Variants in TTC28 observed in about 807,000 individuals in gnomAD.
TTC28 encodes the protein tetratricopeptide repeat protein 28.
In TTC28, 61 loss-of-function variants were observed where a neutral mutation model predicts 198.0. The ratio of observed to expected loss-of-function variants is 0.31; its 90% CI spans 0.25 to 0.38. The LOEUF is 0.38. TTC28 is among the 10% of genes least tolerant of loss of function. The probability of loss-of-function intolerance (pLI) is 1.00; values close to 1 mark genes in which losing one functional copy is unlikely to be tolerated. For missense variants in TTC28, 2,678 were observed against 3,164.0 expected, an observed-to-expected ratio of 0.85 and a Z score of 3.69; for synonymous variants, 1,171 against 1,297.8, an observed-to-expected ratio of 0.90 and a Z score of 2.10.
chr22:28,087,242 C>T (rs1457717780), intron 12 of TTC28, among the ~76,000 whole-genome samples: 1 of 152,162 alleles, frequency 6.6e-6, no homozygotes, highest in Non-Finnish European at 1.5e-5. Context: ...CCTTGATGAA[C>T]ATTGATGCAA....
At chr22:28,331,940 A>C (rs2145876026) in intron 2 of TTC28, among the ~76,000 whole-genome samples, 1 of 152,256 alleles carries the variant, frequency 6.6e-6, no homozygotes, top group African/African-American at 2.4e-5. Flanking sequence ...GAGGAAATGC[A>C]AATGAAACTT....
chr22:28,461,870 C>A (rs2047955772), intron 2 of TTC28, among the ~76,000 whole-genome samples: 1 of 152,166 alleles, frequency 6.6e-6, no homozygotes, highest in Non-Finnish European at 1.5e-5. Flanking sequence ...AACCCCCACC[C>A]AGGTCATAAC....
intron 21 of TTC28, among the ~76,000 whole-genome samples, chr22:27,989,265 T>G (rs1937315270): frequency 6.6e-6 from 1 of 152,194 alleles, no homozygotes; most frequent in Non-Finnish European, 1.5e-5. Flanking sequence ...CTCTCAGAGG[T>G]GGTTTCAATA....
At chr22:28,207,461 A>G (rs1926525080) in intron 5 of TTC28, among the ~76,000 whole-genome samples, 1 of 151,978 alleles carries the variant, frequency 6.6e-6, no homozygotes, top group Non-Finnish European at 1.5e-5. Flanking sequence ...TGGCTCTACT[A>G]TTTAATATGA....
In TTC28 at chr22:28,621,687, G is replaced by A. The variant is rs1012523734; in HGVS notation, c.381+7865C>T. ...GAGCCCAGGAGTTCAAAACTGTAGT[G>A]AGCCATGATGGCACTGCTGCACTCC... On this transcript the variant is annotated intron_variant, in intron 2 of 22. Coordinates refer to ENST00000397906, the MANE Select transcript of TTC28 (RefSeq NM_001145418.2). Among the ~76,000 whole-genome samples, 8 of 148,158 alleles carry A rather than the reference G, an allele frequency of 5.4e-5. No individual in the cohort carries two copies. In the East Asian group the frequency reaches 7.9e-4, roughly 15 times the overall value.
At chr22:28,657,985 A>G (rs915817064) in intron 1 of TTC28, among the ~76,000 whole-genome samples, 4 of 152,218 alleles carry the variant, frequency 2.6e-5, no homozygotes, top group Admixed American at 2.0e-4. Context: ...CCTTACATTA[A>G]AACTTTGCAT....
At chr22:28,079,915 G>C (rs1941287327) in intron 12 of TTC28, among the ~76,000 whole-genome samples, 1 of 152,106 alleles carries the variant, frequency 6.6e-6, no homozygotes, top group South Asian at 2.1e-4. Flanking sequence ...TTTTTGTAGA[G>C]ACAGGGTCTC....
At chr22:28,455,913 A>C (rs1354501399) in intron 2 of TTC28, among the ~76,000 whole-genome samples, 4 of 152,082 alleles carry the variant, frequency 2.6e-5, no homozygotes, top group South Asian at 4.2e-4. Context: ...TAATCCCAGC[A>C]CTTTGGGAGG....
At chr22:28,084,942 G>A (rs920013975) in intron 12 of TTC28, among the ~76,000 whole-genome samples, 7 of 151,982 alleles carry the variant, frequency 4.6e-5, no homozygotes, top group African/African-American at 7.2e-5. Flanking sequence ...CAAATGAAAC[G>A]TGAAGAGAAG....
intron 2 of TTC28, among the ~76,000 whole-genome samples, chr22:28,520,737 A>T (rs2048888205): frequency 6.6e-6 from 1 of 151,966 alleles, no homozygotes; most frequent in Admixed American, 6.6e-5. Flanking sequence ...CAGCCTGGGC[A>T]ATAGAGTAAG....
chr22:28,418,445 C>T (rs2047198255), intron 2 of TTC28, among the ~76,000 whole-genome samples: 1 of 152,136 alleles, frequency 6.6e-6, no homozygotes, highest in Non-Finnish European at 1.5e-5. Flanking sequence ...ACAAAAAACG[C>T]TTAAACTTAC....
chr22:28,469,492 G>A (rs2048070945), intron 2 of TTC28, among the ~76,000 whole-genome samples: 1 of 152,114 alleles, frequency 6.6e-6, no homozygotes, highest in African/African-American at 2.4e-5. Context: ...TAAAAAAATG[G>A]GGAGAATATT....
chr22:28,386,058 C>T (rs986050821), intron 2 of TTC28, among the ~76,000 whole-genome samples: 13 of 151,518 alleles, frequency 8.6e-5, no homozygotes, highest in African/African-American at 1.7e-4. Context: ...GGGCGGATCA[C>T]GAGGTCAGGA....
At position 27,978,693 on chromosome 22, in the gene TTC28, A is replaced by G. The variant is rs1352415306; in HGVS notation, c.*3528T>C. ...AAACTTTCATTTTGTGTTGCACATC[A>G]GTGTGGATCAAAATGTAAGTTTTAG... On this transcript the variant is annotated 3_prime_UTR_variant, in exon 23 of 23. Transcript: ENST00000397906. The G allele has an allele frequency of 6.6e-6, 1 of 152,272 alleles. No individual in the cohort carries two copies. The highest frequency in any genetic ancestry group is 1.5e-5 in the Non-Finnish European group (1 of 68,054). The allele number at this position is 152,272 out of a possible 1,614,324, so 9.4% of individuals were successfully genotyped here.
At chr22:28,634,519 A>G (rs1455021199) in intron 1 of TTC28, among the ~76,000 whole-genome samples, 1 of 151,804 alleles carries the variant, frequency 6.6e-6, no homozygotes, top group Non-Finnish European at 1.5e-5. Flanking sequence ...AAAAAAAAAA[A>G]AAAAAGAAAC....
chr22:28,152,549 A>G (rs1943634892), intron 6 of TTC28, among the ~76,000 whole-genome samples: 1 of 152,142 alleles, frequency 6.6e-6, no homozygotes, highest in Non-Finnish European at 1.5e-5. Context: ...AATCGTCATC[A>G]CTAAAATAGA....
At chr22:28,428,326 A>T (rs2047381040) in intron 2 of TTC28, among the ~76,000 whole-genome samples, 1 of 152,154 alleles carries the variant, frequency 6.6e-6, no homozygotes, top group Non-Finnish European at 1.5e-5. Context: ...ACTCTAGTAA[A>T]AATGAAGGGA....
At chr22:28,334,187 C>T (rs134490) in intron 2 of TTC28, among the ~76,000 whole-genome samples, 129,376 of 150,436 alleles carry the variant, frequency 0.86, 55,858 homozygotes, top group East Asian at 0.99. Context: ...GAACTCATCC[C>T]TTTTTATGGC....
chr22:27,985,405 G>T, intron 21 of TTC28, 49 bp from the exon 22 acceptor site: 1 of 1,448,586 alleles, frequency 6.9e-7, no homozygotes, highest in Non-Finnish European at 9.5e-7. Context: ...GAAGATTCCA[G>T]ATCTTGAACA....
Sources: allele counts gnomAD v4.1 joint callset (sites outside exome capture counted in the v4.1 genomes callset), GRCh38; gene constraint gnomAD v4.1.1; transcripts MANE v1.5; gene names NCBI Gene and HGNC (gene_info 2026-07-23, HGNC 2026-07-21).